Variants in GALM observed in about 807,000 individuals in gnomAD.
GALM encodes galactose mutarotase, also known as aldose 1-epimerase.
A neutral mutation model predicts 37.4 loss-of-function variants in GALM; 43 were observed. The ratio of observed to expected loss-of-function variants is 1.15; its 90% CI spans 0.90 to 1.48. GALM has a LOEUF of 1.48. GALM is among the 40% of genes most tolerant of loss of function. GALM has a pLI of 0.00. For missense variants in GALM, 456 were observed against 419.1 expected (o/e 1.09, Z -0.77); for synonymous variants, 199 against 170.6 (o/e 1.17, Z -1.30).
In GALM at chr2:38,689,816, T is replaced by TC; in HGVS notation, c.560dup (p.Asn188LysfsTer4). Reference sequence around the variant, plus strand: ...TTCCCCTACCTTTTCCTCCCAGGCTTCCCCAAATATAAATGACCATGAAGT... The same window carrying TC: ...TTCCCCTACCTTTTCCTCCCAGGCTTCCCCCAAATATAAATGACCATGAAGT... On this transcript the variant is annotated frameshift_variant, in exon 4 of 7. Coordinates refer to ENST00000272252, the MANE Select transcript of GALM (RefSeq NM_138801.3). LOFTEE classifies it high-confidence loss of function. The TC allele has an allele frequency of 6.3e-7, 1 of 1,593,146 alleles. No individual in the cohort carries two copies. The highest frequency in any genetic ancestry group is 1.3e-5 in the African/African-American group (1 of 74,396).
In GALM at chr2:38,675,784, T is replaced by C. The variant is rs12052751; in HGVS notation, c.191-128T>C. On this transcript the variant is annotated intron_variant, in intron 1 of 6. Coordinates refer to ENST00000272252, the MANE Select transcript of GALM (RefSeq NM_138801.3). ...CAGGGTTTCACCGTGTTAGCCAGGA[T>C]GGTCTCGATCTCCTGACCTTGTGAT... The C allele has an allele frequency of 0.072, 57,415 of 801,516 alleles. 3,960 individuals carry two copies. The highest frequency in any genetic ancestry group is 0.33 in the East Asian group (12,571 of 38,456). The allele number at this position is 801,516 out of a possible 1,614,324, so 49.7% of individuals were successfully genotyped here.
At chr2:38,732,517 A>G (rs963616032) in intron 6 of GALM, among the ~76,000 whole-genome samples, 3 of 152,170 alleles carry the variant, frequency 2.0e-5, no homozygotes, top group Admixed American at 6.5e-5. Context: ...TTCTGCAGCC[A>G]CACTTAAGGA....
chr2:38,707,455 G>A (rs149099834), intron 4 of GALM, among the ~76,000 whole-genome samples: 222 of 152,232 alleles, frequency 1.5e-3, no homozygotes, highest in African/African-American at 5.1e-3. Flanking sequence ...AGAAGGAGAA[G>A]AGGTGTCTAG....
At chr2:38,727,523 T>C (rs1666509380) in intron 4 of GALM, among the ~76,000 whole-genome samples, 1 of 151,926 alleles carries the variant, frequency 6.6e-6, no homozygotes, top group African/African-American at 2.4e-5. Context: ...GGTCAGGAGT[T>C]CGAGACCACT....
In GALM at chr2:38,733,552, T is replaced by G. The variant is rs761167762; in HGVS notation, c.1016T>G (p.Phe339Cys). ...TATGACCACACCACCTGGTTCAAGT[T>G]TTCTGTGGCTTAAGGAAGTGTGAAG... ...EEYDHTTWFK[F>C]SVA The change falls in exon 7 of 7, where the codon TTT (phenylalanine) becomes TGT (cysteine). Residue 339 changes from phenylalanine (F) to cysteine (C), a missense_variant. Phe to Cys is a radical substitution (Grantham distance 205, BLOSUM62 -2). Coordinates refer to ENST00000272252, the MANE Select transcript of GALM (RefSeq NM_138801.3). The G allele has an allele frequency of 3.1e-6, 5 of 1,613,404 alleles. No individual in the cohort carries two copies. In the African/African-American group the frequency reaches 6.7e-5, roughly 22 times the overall value.
chr2:38,693,806 G>A (rs1248245897), intron 4 of GALM, among the ~76,000 whole-genome samples: 12 of 152,172 alleles, frequency 7.9e-5, no homozygotes, highest in Non-Finnish European at 1.3e-4. Context: ...GGGGAAAGCC[G>A]GGATTCACAC....
chr2:38,702,422 T>G (rs1338177712), intron 4 of GALM, among the ~76,000 whole-genome samples: 1 of 151,924 alleles, frequency 6.6e-6, no homozygotes, highest in Non-Finnish European at 1.5e-5. Context: ...CGAGCATGCC[T>G]CCCTCACACC....
Position 38,675,526 on chromosome 2 carries a change from GTTTTTT to G in GALM, c.191-373_191-368del, listed in dbSNP as rs869119386. ...ACACCTTTGGATTGAGGGTTTTTTT[GTTTTTT>G]TTTTTTTTTTTTGTGTGTGTGTGTG... On this transcript the variant is annotated intron_variant, in intron 1 of 6. Transcript: ENST00000272252. Among the ~76,000 whole-genome samples, 258 of 74,580 alleles carry G rather than the reference GTTTTTT, an allele frequency of 3.5e-3. 5 individuals are homozygous for G. Among genetic ancestry groups the G allele is most frequent in the African/African-American group, 0.012 (210 of 17,722 alleles). 48.9% of individuals were successfully genotyped at this position (74,580 alleles called of 152,430 possible).
chr2:38,729,404 G>T (rs1666552955), intron 4 of GALM, 152 bp from the exon 5 acceptor site: 2 of 443,112 alleles, frequency 4.5e-6, no homozygotes, highest in Non-Finnish European at 7.7e-6. Flanking sequence ...TAGAGATGGG[G>T]TCTCTGCATG....
At chr2:38,672,868 G>C (rs1326135898) in intron 1 of GALM, among the ~76,000 whole-genome samples, 1 of 151,988 alleles carries the variant, frequency 6.6e-6, no homozygotes, top group Non-Finnish European at 1.5e-5. Context: ...AATTTAGCTG[G>C]GCTTGGTGGC....
chr2:38,673,622 A>C (rs1453623076), intron 1 of GALM, among the ~76,000 whole-genome samples: 1 of 152,128 alleles, frequency 6.6e-6, no homozygotes, highest in Non-Finnish European at 1.5e-5. Flanking sequence ...CATCCTGGCT[A>C]ACACGGTGAA....
intron 4 of GALM, among the ~76,000 whole-genome samples, chr2:38,728,637 A>G (rs1444429480): frequency 2.0e-5 from 3 of 152,220 alleles, no homozygotes; most frequent in East Asian, 3.8e-4. Context: ...CTGAGCTGAG[A>G]TCGCGCCACT....
rs751729845 is a variant in GALM, at chr2:38,666,304, G to A, written c.143G>A (p.Arg48Lys). ...ATCACAGCCCTAGAGGTCAAAGACA[G>A]GCAGGGGAGAGCCTCGGACGTGGTG... ...CTITALEVKD[R>K]QGRASDVVLG... The change falls in exon 1 of 7, where the codon AGG becomes AAG. Residue 48 changes from arginine to lysine, a missense_variant. Coordinates refer to ENST00000272252, the MANE Select transcript of GALM (RefSeq NM_138801.3). The A allele has an allele frequency of 3.7e-6, 6 of 1,613,862 alleles. No individual in the cohort carries two copies. The South Asian group carries it at 4.4e-5, about 12-fold the overall frequency.
chr2:38,725,896 G>C (rs540874316), intron 4 of GALM, among the ~76,000 whole-genome samples: 83 of 152,056 alleles, frequency 5.5e-4, no homozygotes, highest in Middle Eastern at 6.8e-3. Flanking sequence ...ATTTTTAGTA[G>C]AGACGGGGTT....
intron 1 of GALM, among the ~76,000 whole-genome samples, chr2:38,675,380 A>G (rs1017316423): frequency 2.0e-5 from 3 of 152,122 alleles, no homozygotes; most frequent in African/African-American, 7.2e-5. Flanking sequence ...TACTTTTGGA[A>G]AAGGAAAGGA....
intron 3 of GALM, among the ~76,000 whole-genome samples, chr2:38,688,081 A>G (rs1322447564): frequency 2.0e-5 from 3 of 151,760 alleles, no homozygotes; most frequent in Non-Finnish European, 4.4e-5. Flanking sequence ...GTGTGGTGGC[A>G]CACGCTTGTA....
rs761257549 is a variant in GALM at position 38,681,337 on chromosome 2, G to C, written c.403G>C (p.Asp135His). Residue 135 changes from aspartate (D) to histidine (H), a missense_variant, in exon 3 of 7, where the codon GAT (aspartate) becomes CAT (histidine). Asp to His is a moderately conservative substitution (Grantham distance 81). Transcript: ENST00000272252. ...NGVQFSRISPDGEEGYPGELK... is the reference protein window; with the variant it reads ...NGVQFSRISPHGEEGYPGELK... ...CGTCCAGTTCTCGCGCATCAGTCCAGATGGTGAAGAAGGCTACCCCGGAGA... is the reference window on the plus strand; with the variant it reads ...CGTCCAGTTCTCGCGCATCAGTCCACATGGTGAAGAAGGCTACCCCGGAGA... 3 of 1,614,090 alleles carry C rather than the reference G, an allele frequency of 1.9e-6. No individual in the cohort carries two copies. The highest frequency in any genetic ancestry group is 2.5e-6 in the Non-Finnish European group (3 of 1,180,038).
At chr2:38,682,853 G>A (rs1454876101) in intron 3 of GALM, among the ~76,000 whole-genome samples, 2 of 151,016 alleles carry the variant, frequency 1.3e-5, no homozygotes, top group African/African-American at 2.4e-5. Context: ...CTGAGACTGC[G>A]CCATTGCACT....
chr2:38,687,365 C>A lies in GALM; in HGVS notation c.553-2448C>A, dbSNP rs540922040. Among the ~76,000 whole-genome samples, 3 of 152,310 alleles carry A rather than the reference C, an allele frequency of 2.0e-5. No homozygotes were observed. The East Asian group carries it at 5.8e-4, about 29-fold the overall frequency. The stretch of plus-strand genomic sequence containing the variant: ...GCCTTTGCCCTGGCTTTGTCCCCCA[C>A]CCACTCATACCCCTGCCCAGCACAC... On this transcript the variant is annotated intron_variant, in intron 3 of 6. Coordinates refer to ENST00000272252, the MANE Select transcript of GALM (RefSeq NM_138801.3).
Sources: gnomAD v4.1 joint callset for allele counts (sites outside exome capture counted in the v4.1 genomes callset) on GRCh38, gnomAD v4.1.1 for gene constraint, MANE v1.5 for transcripts, NCBI Gene and HGNC (gene_info 2026-07-23, HGNC 2026-07-21) for gene names.